TMEM108: variants seen among roughly 807,000 people sequenced by gnomAD.
TMEM108 encodes transmembrane protein 108, also known as cancer/testis antigen 124.
TMEM108 carries 12 observed loss-of-function variants against 35.1 expected under a neutral mutation model. The ratio of observed to expected loss-of-function variants is 0.34; its 90% CI spans 0.22 to 0.55. The LOEUF (loss-of-function observed/expected upper bound fraction) is 0.55, where lower values mean the gene tolerates loss of function less well. TMEM108 is among the 20% of genes least tolerant of loss of function. TMEM108 has a pLI of 0.89. For synonymous variants in TMEM108, 287 were observed against 308.6 expected (o/e 0.93, Z 0.73); for missense variants, 680 against 753.3 (o/e 0.90, Z 1.14).
chr3:133,382,541 G>C (rs1278031540), intron 4 of TMEM108, among the ~76,000 whole-genome samples: 1 of 152,216 alleles, frequency 6.6e-6, no homozygotes, highest in Non-Finnish European at 1.5e-5. Context: ...ACCTGTGTCT[G>C]GCTACGGAAG....
At chr3:133,046,983 G>C (rs542833690) in intron 2 of TMEM108, among the ~76,000 whole-genome samples, 3 of 152,232 alleles carry the variant, frequency 2.0e-5, no homozygotes, top group African/African-American at 7.2e-5. Context: ...GTATCTTTCG[G>C]GGCCTCATGT....
chr3:133,381,210 G>A (rs765866383), intron 4 of TMEM108, 49 bp downstream of exon 4: 2 of 1,517,190 alleles, frequency 1.3e-6, no homozygotes, highest in Non-Finnish European at 1.8e-6. Flanking sequence ...CACATCACTG[G>A]CTCAACCCCA....
intron 3 of TMEM108, among the ~76,000 whole-genome samples, chr3:133,232,154 T>A (rs1193303070): frequency 1.3e-5 from 2 of 152,174 alleles, no homozygotes; most frequent in East Asian, 3.8e-4. Flanking sequence ...GGTTTGGATA[T>A]CTGATCCCTC....
At chr3:133,239,971 T>C (rs1289535272) in intron 3 of TMEM108, among the ~76,000 whole-genome samples, 3 of 152,222 alleles carry the variant, frequency 2.0e-5, no homozygotes, top group Non-Finnish European at 4.4e-5. Context: ...TAGTTTTTAC[T>C]CTGTTTTAAG....
In TMEM108 at chr3:133,177,542, A is replaced by G. The variant is rs578206367; in HGVS notation, c.-46-51724A>G. Among the ~76,000 whole-genome samples, 3 of 152,378 alleles carry G rather than the reference A, an allele frequency of 2.0e-5. No homozygotes were observed. The South Asian group carries it at 6.2e-4, about 32-fold the overall frequency. ...CAAATCAATAAACATAATCCAGCAT[A>G]TAAACAGAACCAACGACAAAAACCA... On this transcript the variant is annotated intron_variant, in intron 2 of 5. Coordinates refer to ENST00000321871, the MANE Select transcript of TMEM108 (RefSeq NM_023943.4).
chr3:133,178,510 C>T (rs1317686460), intron 2 of TMEM108, among the ~76,000 whole-genome samples: 1 of 151,836 alleles, frequency 6.6e-6, no homozygotes, highest in Non-Finnish European at 1.5e-5. Flanking sequence ...TGCCGCATAT[C>T]TACAACCATC....
Position 133,372,237 on chromosome 3 carries a change from G to T in TMEM108, c.41-7515G>T, listed in dbSNP as rs2072697542. Among the ~76,000 whole-genome samples, 3 of 152,124 alleles carry T rather than the reference G, an allele frequency of 2.0e-5. No individual in the cohort carries two copies. The South Asian group carries it at 6.2e-4, about 32-fold the overall frequency. On this transcript the variant is annotated intron_variant, in intron 3 of 5. Coordinates refer to ENST00000321871, the MANE Select transcript of TMEM108 (RefSeq NM_023943.4). ...TCTACTCATGTAGGACATTTTCCTGGATCAAAAATTTCTCAGTTTCCAGGA... is the reference window on the plus strand; with the variant it reads ...TCTACTCATGTAGGACATTTTCCTGTATCAAAAATTTCTCAGTTTCCAGGA...
intron 3 of TMEM108, among the ~76,000 whole-genome samples, chr3:133,276,938 A>G (rs1946846081): frequency 6.6e-6 from 1 of 152,162 alleles, no homozygotes; most frequent in Non-Finnish European, 1.5e-5. Flanking sequence ...TATGGAGAGG[A>G]TGACATGATA....
At chr3:133,082,330 T>TA (rs1943822148) in intron 2 of TMEM108, among the ~76,000 whole-genome samples, 1 of 152,246 alleles carries the variant, frequency 6.6e-6, no homozygotes, top group Non-Finnish European at 1.5e-5. Flanking sequence ...AAGTCCATCT[T>TA]ACAGGAGTGG....
chr3:133,073,510 C>CTCTCTCTCTCTA lies in TMEM108; in HGVS notation c.-47+27491_-47+27492insCTCTCTCTCTAT. Among the ~76,000 whole-genome samples the CTCTCTCTCTCTA allele has an allele frequency of 5.8e-3, 254 of 43,874 alleles. 3 individuals carry two copies. The highest frequency in any genetic ancestry group is 0.016 in the Middle Eastern group (1 of 64). 28.8% of individuals were successfully genotyped at this position (43,874 alleles called of 152,430 possible). A position where few individuals can be genotyped will look rare whatever the true frequency, so the allele number is the denominator to read the frequency against. On this transcript the variant is annotated intron_variant, in intron 2 of 5. Transcript: ENST00000321871. ...TCTCTCTCTCTCTCTCTCTCTCTCTCTATATATATATATATATATATATAT... is the reference window on the plus strand; with the variant it reads ...TCTCTCTCTCTCTCTCTCTCTCTCTCTCTCTCTCTCTATATATATATATATATATATATATAT...
At chr3:133,080,172 C>T (rs1943791863) in intron 2 of TMEM108, among the ~76,000 whole-genome samples, 1 of 152,188 alleles carries the variant, frequency 6.6e-6, no homozygotes, top group African/African-American at 2.4e-5. Flanking sequence ...GACCGTTCAA[C>T]TGCATTCCCA....
At chr3:133,208,734 C>G (rs1247787467) in intron 2 of TMEM108, among the ~76,000 whole-genome samples, 1 of 152,146 alleles carries the variant, frequency 6.6e-6, no homozygotes, top group Non-Finnish European at 1.5e-5. Context: ...AAGGCTTTTA[C>G]AGCAGCCAGT....
intron 2 of TMEM108, among the ~76,000 whole-genome samples, chr3:133,200,012 C>T (rs1434869501): frequency 6.6e-6 from 1 of 152,186 alleles, no homozygotes; most frequent in African/African-American, 2.4e-5. Context: ...AGTTCGATCT[C>T]AGACTGCTGT....
rs570457667 is a variant in TMEM108 at position 133,260,892 on chromosome 3, A to G, written c.40+31541A>G. 7.9e-5 allele frequency among the ~76,000 whole-genome samples: 12 copies of G among 152,344 alleles called. No homozygotes were observed. The South Asian group carries it at 2.5e-3, about 32-fold the overall frequency. On this transcript the variant is annotated intron_variant, in intron 3 of 5. Transcript: ENST00000321871. ...ACATCTTGGAAGTAAAGTCAAAAGG[A>G]TTCGTTCATGAATTGGATGATATAG...
At chr3:133,064,611 C>T (rs1050202411) in intron 2 of TMEM108, among the ~76,000 whole-genome samples, 6 of 151,920 alleles carry the variant, frequency 3.9e-5, no homozygotes, top group African/African-American at 1.5e-4. Context: ...TTTAAAGTTC[C>T]ACTTTGTATG....
intron 3 of TMEM108, among the ~76,000 whole-genome samples, chr3:133,317,175 T>C (rs767897257): frequency 5.9e-5 from 9 of 152,176 alleles, no homozygotes; most frequent in Non-Finnish European, 4.4e-5. Flanking sequence ...AGCCCTAATA[T>C]TACCCATCTA....
At chr3:133,390,113 C>T (rs1300627803) in intron 4 of TMEM108, 67 bp from the exon 5 acceptor site, 22 of 1,585,812 alleles carry the variant, frequency 1.4e-5, no homozygotes, top group Middle Eastern at 1.7e-4. Flanking sequence ...CTCATCAGTT[C>T]GGTGGTGCAA....
At chr3:133,226,878 G>C (rs1946079234) in intron 2 of TMEM108, among the ~76,000 whole-genome samples, 1 of 152,140 alleles carries the variant, frequency 6.6e-6, no homozygotes, top group Admixed American at 6.5e-5. Flanking sequence ...CACATGGCTG[G>C]GGAGGCCTCA....
intron 3 of TMEM108, among the ~76,000 whole-genome samples, chr3:133,294,363 G>T (rs887874448): frequency 6.6e-6 from 1 of 152,014 alleles, no homozygotes; most frequent in Non-Finnish European, 1.5e-5. Flanking sequence ...TTTAAAAAAT[G>T]CAATTTAGGG....
Sources: allele counts gnomAD v4.1 joint callset (sites outside exome capture counted in the v4.1 genomes callset), GRCh38; gene constraint gnomAD v4.1.1; transcripts MANE v1.5; gene names NCBI Gene and HGNC (gene_info 2026-07-23, HGNC 2026-07-21).